DLGAP4: variants seen among roughly 807,000 people sequenced by gnomAD.
DLGAP4 encodes the protein disks large-associated protein 4.
In DLGAP4, 18 loss-of-function variants were observed where a neutral mutation model predicts 86.9. The observed-to-expected ratio is 0.21, with a 90% CI of 0.14 to 0.31. DLGAP4 has a LOEUF of 0.31. Among genes scored for constraint, DLGAP4 ranks in the 10% least tolerant of loss-of-function variants. The pLI is 1.00. For synonymous variants in DLGAP4, 548 were observed against 574.3 expected (o/e 0.95, Z 0.65); for missense variants, 1,085 against 1,362.6 (o/e 0.80, Z 3.21).
chr20:36,455,006 TA>T (rs1260695424), intron 7 of DLGAP4, among the ~76,000 whole-genome samples: 1 of 152,136 alleles, frequency 6.6e-6, no homozygotes, highest in Admixed American at 6.5e-5. Context: ...AAGCAGCCGC[TA>T]TGGATGCGTG....
At chr20:36,453,728 T>G (rs1208650736) in intron 7 of DLGAP4, among the ~76,000 whole-genome samples, 2 of 149,180 alleles carry the variant, frequency 1.3e-5, no homozygotes, top group Non-Finnish European at 3.0e-5. Flanking sequence ...AGGTCAGGAG[T>G]TCGAGACCAG....
At chr20:36,497,338 A>G in intron 8 of DLGAP4, 5 of 1,316,398 alleles carry the variant, frequency 3.8e-6, no homozygotes, top group South Asian at 1.8e-5. Flanking sequence ...TCAGCCAGCC[A>G]TCTCCTGTCC....
Position 36,500,242 on chromosome 20 carries a change from G to T in DLGAP4, c.2143G>T (p.Asp715Tyr). Residue 715 changes from aspartate to tyrosine, a missense_variant, in exon 10 of 13, where the codon GAC becomes TAC. By Grantham distance (160) the Asp-to-Tyr change is radical (BLOSUM62 -3). Around this residue, in one of 2 missense-constraint regions of DLGAP4, gnomAD observed 1,082 missense variants for 1,344.1 expected, o/e 0.81. Transcript: ENST00000339266. This position sits in a 1 kb window ranked among gnomAD's most constrained non-coding sequence, Gnocchi z 4.6. ...CAGTATGTCCTCCCGACGGGACACA[G>T]ACTCGGATACCCAGGATGCCAATGA... The part of the protein sequence containing the change: ...SHSMSSRRDT[D>Y]SDTQDANDSS... The T allele has an allele frequency of 6.3e-7, 1 of 1,588,528 alleles. No homozygotes were observed. Among genetic ancestry groups the T allele is most frequent in the South Asian group, 1.1e-5 (1 of 89,224 alleles).
Position 36,308,276 on chromosome 20 carries a change from A to G in DLGAP4, c.-304+1764A>G, listed in dbSNP as rs1039620954. On this transcript the variant is annotated intron_variant, in intron 1 of 12. Coordinates refer to ENST00000339266, the MANE Select transcript of DLGAP4 (RefSeq NM_001365621.2). This position sits in a 1 kb window ranked among gnomAD's most constrained non-coding sequence, Gnocchi z 4.5. The stretch of plus-strand genomic sequence containing the variant: ...GTACTCACCTGCCAGAGGCCTGGTG[A>G]GGCCTGTGCTGGGCGCTGGGGAGTG... Among the ~76,000 whole-genome samples, 1 of 152,176 alleles carries G rather than the reference A, an allele frequency of 6.6e-6. No homozygotes were observed.
At chr20:36,462,314 A>G in intron 7 of DLGAP4, 1 of 1,331,962 alleles carries the variant, frequency 7.5e-7, no homozygotes. Context: ...GAGCACCCCC[A>G]CTTCTCGGGA....
rs535473894 is a variant in DLGAP4 at position 36,453,609 on chromosome 20, G to T, written c.1648+6672G>T. Among the ~76,000 whole-genome samples the T allele has an allele frequency of 2.0e-5, 3 of 151,930 alleles. No individual in the cohort carries two copies. In the East Asian group the frequency reaches 5.8e-4, roughly 29 times the overall value. On this transcript the variant is annotated intron_variant, in intron 7 of 12. Coordinates refer to ENST00000339266, the MANE Select transcript of DLGAP4 (RefSeq NM_001365621.2). ...GATCATGCCACTGTACTCCAGCCTG[G>T]GTAACAGAATGAGACTCTGTCTTTA...
intron 11 of DLGAP4, chr20:36,525,621 G>A: frequency 1.2e-5 from 7 of 594,470 alleles, no homozygotes. Context: ...GGACAGGAGT[G>A]CCTTCCTTGC....
At chr20:36,360,979 G>C (rs536911787) in intron 1 of DLGAP4, among the ~76,000 whole-genome samples, 1 of 152,008 alleles carries the variant, frequency 6.6e-6, no homozygotes, top group Non-Finnish European at 1.5e-5. Flanking sequence ...AGAGAGACTC[G>C]GGAGGTCAGT....
intron 7 of DLGAP4, among the ~76,000 whole-genome samples, chr20:36,490,277 G>A (rs1243602775): frequency 1.3e-5 from 2 of 152,178 alleles, no homozygotes; most frequent in Non-Finnish European, 2.9e-5. Flanking sequence ...ATGTGTCCCT[G>A]ATCCTGACCT....
chr20:36,375,165 C>T (rs899489296), intron 2 of DLGAP4, among the ~76,000 whole-genome samples: 6 of 152,226 alleles, frequency 3.9e-5, no homozygotes, highest in Admixed American at 3.9e-4. Context: ...CTCTCCCCCG[C>T]CTGTCCCTTC....
At chr20:36,392,234 TG>T in intron 2 of DLGAP4, among the ~76,000 whole-genome samples, 1 of 152,312 alleles carries the variant, frequency 6.6e-6, no homozygotes, top group Non-Finnish European at 1.5e-5. Context: ...GGAGCAAGTG[TG>T]TCAGAGGAAA....
chr20:36,387,098 G>A (rs1436405980), intron 2 of DLGAP4, among the ~76,000 whole-genome samples: 1 of 152,194 alleles, frequency 6.6e-6, no homozygotes, highest in African/African-American at 2.4e-5. Context: ...AATAAACACT[G>A]CTAAAGTGCC....
chr20:36,347,460 G>C (rs1318360242), intron 1 of DLGAP4, among the ~76,000 whole-genome samples: 1 of 151,562 alleles, frequency 6.6e-6, no homozygotes, highest in Non-Finnish European at 1.5e-5. Context: ...CATTCAACTA[G>C]TATTTGTTGA....
At chr20:36,358,139 G>A (rs1352878827) in intron 1 of DLGAP4, among the ~76,000 whole-genome samples, 3 of 152,222 alleles carry the variant, frequency 2.0e-5, no homozygotes, top group Non-Finnish European at 2.9e-5. Flanking sequence ...AATTCTGGAA[G>A]TGAATCCAGG....
intron 10 of DLGAP4, among the ~76,000 whole-genome samples, chr20:36,514,555 G>A (rs1383391125): frequency 6.6e-6 from 1 of 151,854 alleles, no homozygotes. Flanking sequence ...GGAACACAGG[G>A]GTGCACCACC....
At chr20:36,386,760 A>G (rs1032249416) in intron 2 of DLGAP4, among the ~76,000 whole-genome samples, 1 of 152,030 alleles carries the variant, frequency 6.6e-6, no homozygotes, top group Non-Finnish European at 1.5e-5. Context: ...CTAATTTTTT[A>G]TTTGTTGTAG....
rs1164570484 is a variant in DLGAP4 at position 36,437,626 on chromosome 20, TAA to T, written c.1241+1277_1241+1278del. Among the ~76,000 whole-genome samples the T allele has an allele frequency of 3.9e-4, 60 of 152,270 alleles. No individual in the cohort carries two copies. In the East Asian group the frequency reaches 0.011, roughly 29 times the overall value. On this transcript the variant is annotated intron_variant, in intron 4 of 12. Transcript: ENST00000339266. ...CCAGCCAAGCCCCATCGTGTTGCTG[TAA>T]GGCTTGGAGGAGTTAGAGGGAACAA...
At chr20:36,377,931 G>A (rs906218991) in intron 2 of DLGAP4, among the ~76,000 whole-genome samples, 8 of 152,202 alleles carry the variant, frequency 5.3e-5, no homozygotes, top group South Asian at 2.1e-4. Flanking sequence ...CTGAGGAAGC[G>A]GAGCCCAGGC....
At chr20:36,389,038 G>A (rs144500907) in intron 2 of DLGAP4, among the ~76,000 whole-genome samples, 78 of 152,324 alleles carry the variant, frequency 5.1e-4, no homozygotes, top group African/African-American at 1.5e-3. Context: ...TGAGGGTGGC[G>A]CTCCCATCAG....
Sources: gnomAD v4.1 joint callset for allele counts (sites outside exome capture counted in the v4.1 genomes callset) on GRCh38, gnomAD v4.1.1 for gene constraint, gnomAD v4.1.1 regional missense constraint, Gnocchi (gnomAD v3.1) non-coding constraint, MANE v1.5 for transcripts, NCBI Gene and HGNC (gene_info 2026-07-23, HGNC 2026-07-21) for gene names.